TANC1: variants seen among roughly 807,000 people sequenced by gnomAD.
TANC1 encodes tetratricopeptide repeat, ankyrin repeat and coiled-coil containing 1.
In TANC1, 77 loss-of-function variants were observed where a neutral mutation model predicts 149.7. The ratio of observed to expected loss-of-function variants is 0.51; its 90% CI spans 0.43 to 0.62. TANC1 has a LOEUF of 0.62. TANC1 is among the 20% of genes least tolerant of loss of function. The pLI is 0.00. For missense variants in TANC1, 1,985 were observed against 2,321.8 expected, an observed-to-expected ratio of 0.85 and a Z score of 2.98; for synonymous variants, 854 against 925.0, an observed-to-expected ratio of 0.92 and a Z score of 1.39.
intron 3 of TANC1, among the ~76,000 whole-genome samples, chr2:159,087,750 A>G (rs569319187): frequency 1.3e-5 from 2 of 151,662 alleles, no homozygotes; most frequent in African/African-American, 2.4e-5. Context: ...GTGTTCACCA[A>G]AAAGGTACAT....
intron 4 of TANC1, among the ~76,000 whole-genome samples, chr2:159,132,655 ATT>A (rs35719354): frequency 0.1 from 13,108 of 127,148 alleles, 825 homozygotes; most frequent in Admixed American, 0.18. Flanking sequence ...CACCCAGCTA[ATT>A]TTTTTTTTTT....
At chr2:159,120,531 A>C (rs2048742158) in intron 4 of TANC1, among the ~76,000 whole-genome samples, 1 of 152,224 alleles carries the variant, frequency 6.6e-6, no homozygotes, top group African/African-American at 2.4e-5. Flanking sequence ...TATGGTTAAA[A>C]ATTTTAAATA....
At position 159,038,466 on chromosome 2, in the gene TANC1, C is replaced by T. The variant is rs182825071; in HGVS notation, c.-15-27430C>T. On this transcript the variant is annotated intron_variant, in intron 2 of 26. Coordinates refer to ENST00000263635, the MANE Select transcript of TANC1 (RefSeq NM_033394.3). ...GGAATGCTTCCAGTTTTTGCCCATT[C>T]AGTATGATATTGGCTGTGAGTTTGT... Among the ~76,000 whole-genome samples, 1,385 of 152,260 alleles carry T rather than the reference C, an allele frequency of 9.1e-3. 20 individuals are homozygous for T. The highest frequency in any genetic ancestry group is 0.031 in the African/African-American group (1,282 of 41,544).
At chr2:158,973,925 A>G (rs1055474775) in intron 1 of TANC1, among the ~76,000 whole-genome samples, 3 of 152,192 alleles carry the variant, frequency 2.0e-5, no homozygotes, top group South Asian at 2.1e-4. Context: ...CATTATTCCC[A>G]TGTAACCCAT....
At chr2:159,145,443 G>A (rs1294373775) in intron 5 of TANC1, among the ~76,000 whole-genome samples, 1 of 152,168 alleles carries the variant, frequency 6.6e-6, no homozygotes, top group African/African-American at 2.4e-5. Context: ...TAGGAGGTGG[G>A]TATGGCCACT....
chr2:159,203,202 T>C lies in TANC1; in HGVS notation c.3244+4149T>C, dbSNP rs1233305639. On this transcript the variant is annotated intron_variant, in intron 19 of 26. Transcript: ENST00000263635. ...TCAGTACATCTTATTCGATAGGCTT[T>C]TCTTTTCTTTTTTTTTTTTTTTTGA... is the stretch of plus-strand genomic sequence containing the variant. 6.3e-5 allele frequency among the ~76,000 whole-genome samples: 6 copies of C among 94,770 alleles called. No individual in the cohort carries two copies. In the East Asian group the frequency reaches 1.7e-3, roughly 27 times the overall value. The allele number at this position is 94,770 out of a possible 152,430, so 62.2% of individuals were successfully genotyped here. A position where few individuals can be genotyped will look rare whatever the true frequency, so the allele number is the denominator to read the frequency against.
chr2:159,114,508 A>G (rs2048044229), intron 4 of TANC1, among the ~76,000 whole-genome samples: 1 of 152,194 alleles, frequency 6.6e-6, no homozygotes, highest in Non-Finnish European at 1.5e-5. Flanking sequence ...ATCTTGACTT[A>G]CTGACAGTGT....
rs2060355260 is a variant in TANC1 at position 159,232,135 on chromosome 2, C to T, written c.*1123C>T. On this transcript the variant is annotated 3_prime_UTR_variant, in exon 27 of 27. Coordinates refer to ENST00000263635, the MANE Select transcript of TANC1 (RefSeq NM_033394.3). Reference sequence around the variant, plus strand: ...TGTTAACAGTATACCAGTAACAGCACTTTATCTCATTTATATGAACACCTT... The same window carrying T: ...TGTTAACAGTATACCAGTAACAGCATTTTATCTCATTTATATGAACACCTT... 6.6e-6 allele frequency: 1 copy of T among 152,622 alleles called. No individual in the cohort carries two copies. The allele number at this position is 152,622 out of a possible 1,614,324, so 9.5% of individuals were successfully genotyped here. A position where few individuals can be genotyped will look rare whatever the true frequency, so the allele number is the denominator to read the frequency against.
intron 1 of TANC1, among the ~76,000 whole-genome samples, chr2:158,975,050 C>T (rs1390946311): frequency 6.6e-6 from 1 of 151,990 alleles, no homozygotes; most frequent in South Asian, 2.1e-4. Flanking sequence ...CCCCCCAGTC[C>T]TCCTTCATAC....
chr2:159,214,938 T>C (rs1189332979), intron 19 of TANC1, among the ~76,000 whole-genome samples: 1 of 152,122 alleles, frequency 6.6e-6, no homozygotes, highest in Admixed American at 6.5e-5. Flanking sequence ...GCGTGGAACA[T>C]TCGGAATCAG....
At chr2:159,157,994 A>G (rs531371600) in intron 7 of TANC1, among the ~76,000 whole-genome samples, 1 of 152,274 alleles carries the variant, frequency 6.6e-6, no homozygotes, top group African/African-American at 2.4e-5. Flanking sequence ...TAGTATATGT[A>G]CATAATTTAT....
At chr2:159,213,424 C>G (rs1305935524) in intron 19 of TANC1, among the ~76,000 whole-genome samples, 1 of 151,820 alleles carries the variant, frequency 6.6e-6, no homozygotes, top group East Asian at 1.9e-4. Flanking sequence ...GGAACCCCCC[C>G]ACCTCTGTCT....
At chr2:159,092,583 C>G (rs934462062) in intron 3 of TANC1, among the ~76,000 whole-genome samples, 1 of 152,190 alleles carries the variant, frequency 6.6e-6, no homozygotes, top group Non-Finnish European at 1.5e-5. Flanking sequence ...TCTTTGCAAA[C>G]TATGACTTTG....
chr2:159,084,714 G>A (rs2044657217), intron 3 of TANC1, among the ~76,000 whole-genome samples: 1 of 152,172 alleles, frequency 6.6e-6, no homozygotes, highest in Non-Finnish European at 1.5e-5. Context: ...ATGACAGAAT[G>A]TTCCTGACAA....
At chr2:159,070,372 G>C (rs1471421111) in intron 3 of TANC1, among the ~76,000 whole-genome samples, 1 of 151,968 alleles carries the variant, frequency 6.6e-6, no homozygotes, top group Non-Finnish European at 1.5e-5. Flanking sequence ...TTTTCCACCA[G>C]AGTTGTGCAT....
chr2:159,098,123 G>A (rs921074519), intron 4 of TANC1, among the ~76,000 whole-genome samples: 5 of 152,120 alleles, frequency 3.3e-5, no homozygotes, highest in African/African-American at 9.7e-5. Context: ...GAATTAAGGA[G>A]CACTATACAG....
At chr2:159,225,466 AT>A in intron 23 of TANC1, 1 of 585,054 alleles carries the variant, frequency 1.7e-6, no homozygotes, top group Non-Finnish European at 3.0e-6. Context: ...TTCGTTTCTC[AT>A]TACTTTTTTC....
At chr2:159,041,593 G>T (rs575879719) in intron 2 of TANC1, among the ~76,000 whole-genome samples, 3 of 152,344 alleles carry the variant, frequency 2.0e-5, no homozygotes, top group African/African-American at 4.8e-5. Flanking sequence ...CGCTGAGCCA[G>T]GTGCAGGATA....
intron 15 of TANC1, among the ~76,000 whole-genome samples, 155 bp downstream of exon 15, chr2:159,186,054 C>T (rs761989126): frequency 3.9e-5 from 6 of 152,182 alleles, no homozygotes; most frequent in South Asian, 2.1e-4. Flanking sequence ...CAAAAGTAAC[C>T]GCTGTTCTGA....
Sources: gnomAD v4.1 joint callset for allele counts (sites outside exome capture counted in the v4.1 genomes callset) on GRCh38, gnomAD v4.1.1 for gene constraint, MANE v1.5 for transcripts, NCBI Gene and HGNC (gene_info 2026-07-23, HGNC 2026-07-21) for gene names.